The following VSTM2B variants were observed in gnomAD, a reference collection of about 807,000 sequenced individuals.
VSTM2B encodes V-set and transmembrane domain-containing protein 2B.
A neutral mutation model predicts 24.0 loss-of-function variants in VSTM2B; 24 were observed. That is an observed-to-expected ratio of 1.00 (90% CI 0.72 to 1.40). The LOEUF is 1.40. VSTM2B is among the 40% of genes most tolerant of loss of function. The pLI is 0.00. For synonymous variants in VSTM2B, 226 were observed against 194.4 expected (o/e 1.16, Z -1.35); for missense variants, 399 against 416.4 (o/e 0.96, Z 0.36).
Position 29,532,253 on chromosome 19 carries a change from C to T in VSTM2B, c.769+1963C>T, listed in dbSNP as rs144263156. 2.5e-3 allele frequency among the ~76,000 whole-genome samples: 383 copies of T among 152,266 alleles called. 1 individual carries two copies. Among genetic ancestry groups the T allele is most frequent in the African/African-American group, 9.0e-3 (373 of 41,542 alleles). On this transcript the variant is annotated intron_variant, in intron 4 of 4. Transcript: ENST00000335523. The stretch of plus-strand genomic sequence containing the variant: ...AAATATTACTTCTACCCTCTTCCAT[C>T]GGCCAGAACTCAGTCACATGGTCCA...
At chr19:29,538,586 T>A (rs1282696182) in intron 4 of VSTM2B, among the ~76,000 whole-genome samples, 1 of 152,146 alleles carries the variant, frequency 6.6e-6, no homozygotes, top group Non-Finnish European at 1.5e-5. Flanking sequence ...CTGAGTCTGG[T>A]CATTTATAGA....
chr19:29,535,882 C>T (rs1197799053), intron 4 of VSTM2B, among the ~76,000 whole-genome samples: 2 of 152,092 alleles, frequency 1.3e-5, no homozygotes, highest in Non-Finnish European at 2.9e-5. Flanking sequence ...AAGGCCCTCA[C>T]CTTAAATGAA....
chr19:29,527,285 G>C lies in VSTM2B; in HGVS notation c.157G>C (p.Ala53Pro), dbSNP rs942790092. The C allele has an allele frequency of 7.1e-6, 11 of 1,550,348 alleles. No homozygotes were observed. Among genetic ancestry groups the C allele is most frequent in the African/African-American group, 2.7e-5 (2 of 73,032 alleles). Reference sequence around the variant, plus strand: ...CATCGAAATGCCCTGCGCGTTCCGGGCCAGCGGAGCCACCTCGTATTCGCT... The same window carrying C: ...CATCGAAATGCCCTGCGCGTTCCGGCCCAGCGGAGCCACCTCGTATTCGCT... ...DDIEMPCAFRASGATSYSLEI... is the reference protein window; with the variant it reads ...DDIEMPCAFRPSGATSYSLEI... The change falls in exon 2 of 5, where the codon GCC (alanine) becomes CCC (proline). Residue 53 changes from alanine to proline, a missense_variant. Physicochemically the swap from Ala to Pro is conservative, Grantham distance 27. Transcript: ENST00000335523.
rs1436845423 is a variant in VSTM2B at position 29,563,928 on chromosome 19, A to G, written c.852A>G (p.Gly284=). 1 of 1,552,328 alleles carries G rather than the reference A, an allele frequency of 6.4e-7. No homozygotes were observed. Among genetic ancestry groups the G allele is most frequent in the Admixed American group, 2.0e-5 (1 of 51,002 alleles). The change falls in exon 5 of 5, where the codon GGA becomes GGG. Residue 284 remains glycine (G), a synonymous_variant. Transcript: ENST00000335523. ...ATAAGTTCCTGCGCCTGCTCTTGGG[A>G]CATTGACAGACAAGACCAACCCGAG... ...ALHKFLRLLL[G]H is the part of the protein sequence containing the mutation.
intron 4 of VSTM2B, among the ~76,000 whole-genome samples, chr19:29,549,546 G>C (rs1309032038): frequency 6.6e-6 from 1 of 150,972 alleles, no homozygotes; most frequent in African/African-American, 2.4e-5. Context: ...TGGCCCCAAG[G>C]CTGCTCTAGG....
chr19:29,542,587 A>AATGG (rs1330383607), intron 4 of VSTM2B, among the ~76,000 whole-genome samples: 4 of 151,872 alleles, frequency 2.6e-5, no homozygotes, highest in Non-Finnish European at 5.9e-5. Context: ...TGGGAGAATG[A>AATGG]ATGGATGGAT....
At chr19:29,529,724 T>A in intron 3 of VSTM2B, 95 bp from the exon 4 acceptor site, 1 of 1,233,910 alleles carries the variant, frequency 8.1e-7, no homozygotes, top group Non-Finnish European at 1.1e-6. Flanking sequence ...CGGGAAGTGT[T>A]GGGGTGCGCG....
intron 4 of VSTM2B, among the ~76,000 whole-genome samples, chr19:29,550,681 A>T (rs751518649): frequency 3.3e-5 from 5 of 152,198 alleles, no homozygotes; most frequent in Non-Finnish European, 5.9e-5. Flanking sequence ...TGGACAAAGC[A>T]AGTGAAAGAC....
Position 29,530,347 on chromosome 19 carries a change from G to T in VSTM2B, c.769+57G>T, listed in dbSNP as rs192024631. On this transcript the variant is annotated intron_variant, in intron 4 of 4. Transcript: ENST00000335523. ...GGGGATGGCGCAGGGCTAGGGCTGC[G>T]CCGGGACGCCCCGGGGGGCTCCGGA... The T allele has an allele frequency of 3.0e-3, 4,235 of 1,399,146 alleles. 8 individuals are homozygous for T. The highest frequency in any genetic ancestry group is 3.7e-3 in the Non-Finnish European group (3,962 of 1,080,616). 86.7% of individuals were successfully genotyped at this position (1,399,146 alleles called of 1,614,324 possible). A position where few individuals can be genotyped will look rare whatever the true frequency, so the allele number is the denominator to read the frequency against.
chr19:29,553,323 G>A (rs1340421806), intron 4 of VSTM2B, among the ~76,000 whole-genome samples: 1 of 152,226 alleles, frequency 6.6e-6, no homozygotes, highest in Non-Finnish European at 1.5e-5. Context: ...AATAGGGTCT[G>A]GAGTGGACCC....
intron 3 of VSTM2B, 84 bp from the exon 4 acceptor site, chr19:29,529,735 G>C: frequency 7.3e-7 from 1 of 1,360,646 alleles, no homozygotes. Context: ...GGGGTGCGCG[G>C]ATGAGGGGGC....
intron 4 of VSTM2B, among the ~76,000 whole-genome samples, chr19:29,538,331 C>T (rs12979902): frequency 0.019 from 2,852 of 152,310 alleles, 43 homozygotes; most frequent in Admixed American, 0.029. Flanking sequence ...GGGGGATAAT[C>T]CGTGGAAAGA....
chr19:29,542,705 G>C (rs1274281848), intron 4 of VSTM2B, among the ~76,000 whole-genome samples: 1 of 152,296 alleles, frequency 6.6e-6, no homozygotes, highest in South Asian at 2.1e-4. Flanking sequence ...AGAGTAGAAA[G>C]TAGGAGAAAT....
chr19:29,546,584 G>A (rs115388392), intron 4 of VSTM2B, among the ~76,000 whole-genome samples: 1 of 152,212 alleles, frequency 6.6e-6, no homozygotes, highest in South Asian at 2.1e-4. Flanking sequence ...AGGCTCAAAG[G>A]TTAGCAATCC....
At chr19:29,562,301 A>G (rs555897846) in intron 4 of VSTM2B, among the ~76,000 whole-genome samples, 3 of 152,312 alleles carry the variant, frequency 2.0e-5, no homozygotes, top group African/African-American at 7.2e-5. Context: ...CGCCTTGGAT[A>G]GGAAGGACTA....
At chr19:29,552,006 A>C (rs10410525) in intron 4 of VSTM2B, among the ~76,000 whole-genome samples, 14,658 of 152,238 alleles carry the variant, frequency 0.096, 1,562 homozygotes, top group African/African-American at 0.26. Flanking sequence ...TCATTCTGGA[A>C]AGCAATGGAC....
chr19:29,563,882 C>A lies in VSTM2B; in HGVS notation c.806C>A (p.Ser269Tyr), dbSNP rs1374937432. 6.4e-7 allele frequency: 1 copy of A among 1,552,366 alleles called. No individual in the cohort carries two copies. Among genetic ancestry groups the A allele is most frequent in the South Asian group, 1.2e-5 (1 of 84,062 alleles). The change falls in exon 5 of 5, where the codon TCC becomes TAC. Residue 269 changes from serine to tyrosine, a missense_variant. Physicochemically the swap from Ser to Tyr is moderately radical, Grantham distance 144 (BLOSUM62 -2). Transcript: ENST00000335523. Reference sequence around the variant, plus strand: ...AGCTACACCACAGACCCACTCTTGTCCCTGCTCCTGTTAGCTCTGCATAAG... The same window carrying A: ...AGCTACACCACAGACCCACTCTTGTACCTGCTCCTGTTAGCTCTGCATAAG... ...GRSYTTDPLLSLLLLALHKFL... is the reference protein window; with the variant it reads ...GRSYTTDPLLYLLLLALHKFL...
rs181281148 is a variant in VSTM2B, at chr19:29,528,495, A to T, written c.297+33A>T. 2.2e-3 allele frequency: 3,381 copies of T among 1,550,146 alleles called. 68 individuals carry two copies. In the African/African-American group the frequency reaches 0.04, roughly 18 times the overall value. ...TGGAGCCCAGCGCGGGCCGCGGGAG[A>T]CCCCTTCTGGCCGCCTCGGGTCCCG... On this transcript the variant is annotated intron_variant, in intron 3 of 4. Coordinates refer to ENST00000335523, the MANE Select transcript of VSTM2B (RefSeq NM_001146339.2).
At chr19:29,542,328 T>C (rs545533921) in intron 4 of VSTM2B, among the ~76,000 whole-genome samples, 3 of 148,404 alleles carry the variant, frequency 2.0e-5, no homozygotes, top group African/African-American at 7.5e-5. Context: ...AATGTGTGAG[T>C]GGGTGGATGG....
Sources: gnomAD v4.1 joint callset for allele counts (sites outside exome capture counted in the v4.1 genomes callset) on GRCh38, gnomAD v4.1.1 for gene constraint, MANE v1.5 for transcripts, NCBI Gene and HGNC (gene_info 2026-07-23, HGNC 2026-07-21) for gene names.